EFNA5: variants seen among roughly 807,000 people sequenced by gnomAD.
EFNA5 encodes the protein ephrin-A5.
EFNA5 carries 5 observed loss-of-function variants against 22.9 expected under a neutral mutation model. The observed-to-expected ratio is 0.22, with a 90% CI of 0.11 to 0.46. The LOEUF (loss-of-function observed/expected upper bound fraction) is 0.46. EFNA5 is among the 20% of genes least tolerant of loss of function. The pLI, the probability that EFNA5 is intolerant of heterozygous loss-of-function variation, is 0.99. For synonymous variants in EFNA5, 113 were observed against 112.2 expected (o/e 1.01, Z -0.04); for missense variants, 237 against 293.3 (o/e 0.81, Z 1.40).
At chr5:107,592,882 G>A (rs1749405578) in intron 1 of EFNA5, among the ~76,000 whole-genome samples, 1 of 152,288 alleles carries the variant, frequency 6.6e-6, no homozygotes, top group South Asian at 2.1e-4. Context: ...AAGGAATTCA[G>A]CTCACAAGCC....
intron 1 of EFNA5, among the ~76,000 whole-genome samples, chr5:107,592,504 CCT>C (rs1369233289): frequency 2.0e-5 from 3 of 152,108 alleles, no homozygotes; most frequent in Non-Finnish European, 2.9e-5. Context: ...GAAAAAAAGA[CCT>C]CTCTCAAACT....
chr5:107,542,889 G>C lies in EFNA5; in HGVS notation c.126-115380C>G, dbSNP rs181250394. 2.0e-5 allele frequency among the ~76,000 whole-genome samples: 3 copies of C among 152,218 alleles called. No individual in the cohort carries two copies. In the South Asian group the frequency reaches 6.2e-4, roughly 32 times the overall value. Reference sequence around the variant, plus strand: ...CTCACAACCTCGACAGGCAGTGTATGTGTGACTTGTTCTTTCTATCCGGAA... The same window carrying C: ...CTCACAACCTCGACAGGCAGTGTATCTGTGACTTGTTCTTTCTATCCGGAA... On this transcript the variant is annotated intron_variant, in intron 1 of 4. Coordinates refer to ENST00000333274, the MANE Select transcript of EFNA5 (RefSeq NM_001962.3).
At chr5:107,610,775 T>C (rs17160246) in intron 1 of EFNA5, among the ~76,000 whole-genome samples, 27,861 of 152,138 alleles carry the variant, frequency 0.18, 3,336 homozygotes, top group South Asian at 0.45. Context: ...ACATCTCTTC[T>C]CGCCTTCTCC....
intron 1 of EFNA5, among the ~76,000 whole-genome samples, chr5:107,641,348 ACT>A (rs1273778815): frequency 2.8e-5 from 3 of 105,546 alleles, no homozygotes; most frequent in Admixed American, 9.5e-5. Flanking sequence ...ACAGAGTGAG[ACT>A]CTGTCTCAAA....
intron 1 of EFNA5, among the ~76,000 whole-genome samples, chr5:107,443,752 C>G (rs989918497): frequency 6.6e-6 from 1 of 152,086 alleles, no homozygotes. Context: ...GGAAAAGTAC[C>G]TAATGCATGC....
At chr5:107,663,192 G>A (rs928998570) in intron 1 of EFNA5, among the ~76,000 whole-genome samples, 1 of 150,518 alleles carries the variant, frequency 6.6e-6, no homozygotes, top group Non-Finnish European at 1.5e-5. Context: ...AAATAAAATC[G>A]GTCTTAAAAC....
chr5:107,577,993 A>G (rs954149670), intron 1 of EFNA5, among the ~76,000 whole-genome samples: 7 of 152,128 alleles, frequency 4.6e-5, no homozygotes, highest in African/African-American at 1.7e-4. Flanking sequence ...CTGGGTCCTG[A>G]TAAGATTATA....
At chr5:107,430,743 G>A (rs1038483109) in intron 1 of EFNA5, among the ~76,000 whole-genome samples, 2 of 149,548 alleles carry the variant, frequency 1.3e-5, no homozygotes, top group South Asian at 2.1e-4. Context: ...TCAAACATGC[G>A]ATTGCCCCAG....
intron 1 of EFNA5, among the ~76,000 whole-genome samples, chr5:107,428,310 T>C (rs915577045): frequency 6.6e-6 from 1 of 152,184 alleles, no homozygotes. Flanking sequence ...CAACAGGTCA[T>C]GTTCTAGAGC....
intron 2 of EFNA5, among the ~76,000 whole-genome samples, chr5:107,391,083 C>T (rs1297070569): frequency 6.6e-6 from 1 of 152,182 alleles, no homozygotes; most frequent in Non-Finnish European, 1.5e-5. Context: ...TGCTTGAGCC[C>T]AGGAGGCAGA....
intron 1 of EFNA5, among the ~76,000 whole-genome samples, chr5:107,655,037 C>T (rs1045238508): frequency 6.6e-6 from 1 of 151,916 alleles, no homozygotes; most frequent in Non-Finnish European, 1.5e-5. Context: ...CTGAGTAAGC[C>T]TGGCTAAGAT....
intron 1 of EFNA5, among the ~76,000 whole-genome samples, chr5:107,581,232 C>G (rs985357575): frequency 1.3e-5 from 2 of 152,188 alleles, no homozygotes; most frequent in African/African-American, 4.8e-5. Context: ...CAAACTAATA[C>G]AGGTTAAACT....
At chr5:107,486,853 G>A (rs1312193916) in intron 1 of EFNA5, among the ~76,000 whole-genome samples, 1 of 152,186 alleles carries the variant, frequency 6.6e-6, no homozygotes, top group Non-Finnish European at 1.5e-5. Flanking sequence ...AAGGCAGGGA[G>A]GAGCTAGAGA....
chr5:107,650,124 T>C (rs1251921682), intron 1 of EFNA5, among the ~76,000 whole-genome samples: 1 of 152,196 alleles, frequency 6.6e-6, no homozygotes, highest in African/African-American at 2.4e-5. Context: ...TATACTAATA[T>C]TACCCATATA....
Position 107,459,721 on chromosome 5 carries a change from C to T in EFNA5, c.126-32212G>A, listed in dbSNP as rs182976172. Among the ~76,000 whole-genome samples the T allele has an allele frequency of 3.9e-3, 588 of 152,186 alleles. 2 individuals carry two copies. The highest frequency in any genetic ancestry group is 6.9e-3 in the Non-Finnish European group (472 of 68,014). ...GAAAGTGGTCAGAATTGAGTTGTCA[C>T]GCAATGGCACAGCAGAAGAAAATTC... On this transcript the variant is annotated intron_variant, in intron 1 of 4. Coordinates refer to ENST00000333274, the MANE Select transcript of EFNA5 (RefSeq NM_001962.3).
At chr5:107,603,149 GT>G (rs1749640541) in intron 1 of EFNA5, among the ~76,000 whole-genome samples, 1 of 152,184 alleles carries the variant, frequency 6.6e-6, no homozygotes, top group South Asian at 2.1e-4. Context: ...CTGTTTCATT[GT>G]TTAAAGGATT....
At chr5:107,576,724 T>G (rs1454613528) in intron 1 of EFNA5, among the ~76,000 whole-genome samples, 1 of 152,196 alleles carries the variant, frequency 6.6e-6, no homozygotes, top group Non-Finnish European at 1.5e-5. Flanking sequence ...AACACCCAAA[T>G]TATTTACTAC....
At chr5:107,442,474 C>T (rs1477925864) in intron 1 of EFNA5, among the ~76,000 whole-genome samples, 7 of 152,158 alleles carry the variant, frequency 4.6e-5, no homozygotes, top group Admixed American at 3.9e-4. Context: ...AAGCAATCCC[C>T]TCAACCCTGC....
chr5:107,388,651 TAAC>T (rs1394596044), intron 2 of EFNA5: 1 of 152,178 alleles, frequency 6.6e-6, no homozygotes, highest in Admixed American at 6.5e-5. Flanking sequence ...GTAAGGCCCT[TAAC>T]AACCACATGT....
Sources: gnomAD v4.1 joint callset for allele counts (sites outside exome capture counted in the v4.1 genomes callset) on GRCh38, gnomAD v4.1.1 for gene constraint, MANE v1.5 for transcripts, NCBI Gene and HGNC (gene_info 2026-07-23, HGNC 2026-07-21) for gene names.